Variants in IQUB observed in about 807,000 individuals in gnomAD.
The protein encoded by IQUB is IQ motif and ubiquitin domain containing.
In IQUB, 86 loss-of-function variants were observed where a neutral mutation model predicts 86.4. The observed-to-expected ratio is 1.00, with a 90% confidence interval of 0.84 to 1.19. IQUB has a LOEUF of 1.19. IQUB is among the 50% of genes most tolerant of loss of function. IQUB has a pLI of 0.00. For synonymous variants in IQUB, 289 were observed against 304.5 expected (o/e 0.95, Z 0.53); for missense variants, 946 against 916.9 (o/e 1.03, Z -0.41).
Position 123,461,398 on chromosome 7 carries a change from CT to C in IQUB, c.1965del (p.Ala656LeufsTer12). 1 of 1,611,262 alleles carries C rather than the reference CT, an allele frequency of 6.2e-7. No individual in the cohort carries two copies. Among genetic ancestry groups the C allele is most frequent in the Non-Finnish European group, 8.5e-7 (1 of 1,178,118 alleles). On this transcript the variant is annotated frameshift_variant, in exon 11 of 13. Coordinates refer to ENST00000324698, the MANE Select transcript of IQUB (RefSeq NM_178827.5). LOFTEE classifies it high-confidence loss of function. ...ATTTTAGAATCATCTTCATAATCAG[CT>C]TCTGTATAGTAGAGCTGTTGAAGTA... ...KCLLQQLYYT[E>X]ADYEDDSKIA...
At chr7:123,496,586 C>T in intron 7 of IQUB, 110 bp downstream of exon 7, 3 of 617,282 alleles carry the variant, frequency 4.9e-6, no homozygotes, top group Non-Finnish European at 7.9e-6. Flanking sequence ...TGCAAATTTC[C>T]AAGACATCTC....
At chr7:123,488,490 AG>A (rs1795316736) in intron 7 of IQUB, among the ~76,000 whole-genome samples, 1 of 152,254 alleles carries the variant, frequency 6.6e-6, no homozygotes, top group South Asian at 2.1e-4. Flanking sequence ...ATTTGCTAGC[AG>A]CTGCTTCCAA....
At chr7:123,506,869 A>G (rs1796202117) in intron 3 of IQUB, among the ~76,000 whole-genome samples, 1 of 152,164 alleles carries the variant, frequency 6.6e-6, no homozygotes, top group African/African-American at 2.4e-5. Context: ...GAAAAAGTAT[A>G]CATTGCTTAA....
intron 10 of IQUB, among the ~76,000 whole-genome samples, chr7:123,462,145 T>A: frequency 6.6e-6 from 1 of 151,966 alleles, no homozygotes; most frequent in East Asian, 1.9e-4. Context: ...AATTATTTAC[T>A]ATGGGCTAAA....
intron 8 of IQUB, among the ~76,000 whole-genome samples, chr7:123,477,225 T>C (rs1794784135): frequency 6.6e-6 from 1 of 152,178 alleles, no homozygotes; most frequent in South Asian, 2.1e-4. Flanking sequence ...AGCATGGTAC[T>C]GGTATCAAAA....
At chr7:123,480,004 T>TA (rs767694283) in intron 7 of IQUB, 34 bp from the exon 8 acceptor site, 2 of 1,524,278 alleles carry the variant, frequency 1.3e-6, no homozygotes, top group South Asian at 2.4e-5. Flanking sequence ...CTTGAGTTTT[T>TA]AAAAATCCCA....
chr7:123,469,350 C>G lies in IQUB; in HGVS notation c.1445G>C (p.Gly482Ala), dbSNP rs1402911724. Reference protein sequence around the residue: ...SAPKIWRTPNGKTIEMDTQFT... With the variant: ...SAPKIWRTPNAKTIEMDTQFT... ...CTGCGTATCCATCTCAATTGTTTTGCCATTAGGGGTTCTCCATATTTTTGG... is the reference window on the plus strand; with the variant it reads ...CTGCGTATCCATCTCAATTGTTTTGGCATTAGGGGTTCTCCATATTTTTGG... The change falls in exon 9 of 13, where the codon GGC (glycine) becomes GCC (alanine). Residue 482 changes from glycine (G) to alanine (A), a missense_variant. Gly to Ala is a moderately conservative substitution (Grantham distance 60, BLOSUM62 0). Transcript: ENST00000324698. 1.2e-6 allele frequency: 2 copies of G among 1,601,380 alleles called. No homozygotes were observed. Among genetic ancestry groups the G allele is most frequent in the Non-Finnish European group, 1.7e-6 (2 of 1,174,506 alleles).
At chr7:123,514,679 T>C (rs1245442704) in intron 1 of IQUB, among the ~76,000 whole-genome samples, 1 of 152,190 alleles carries the variant, frequency 6.6e-6, no homozygotes, top group Non-Finnish European at 1.5e-5. Flanking sequence ...GTCTGGGCTT[T>C]TATTGAGGCC....
intron 10 of IQUB, among the ~76,000 whole-genome samples, chr7:123,462,362 C>CTCTT (rs1380517759): frequency 6.6e-6 from 1 of 151,702 alleles, no homozygotes; most frequent in African/African-American, 2.4e-5. Flanking sequence ...TAAATTTTTT[C>CTCTT]TCTTACTCAA....
chr7:123,460,289 TATC>T (rs1793921147), intron 11 of IQUB, among the ~76,000 whole-genome samples: 1 of 151,966 alleles, frequency 6.6e-6, no homozygotes, highest in African/African-American at 2.4e-5. Flanking sequence ...TATTGAGAAT[TATC>T]ATGCATGCCT....
chr7:123,462,389 T>G (rs563393641), intron 10 of IQUB, among the ~76,000 whole-genome samples: 1 of 151,984 alleles, frequency 6.6e-6, no homozygotes, highest in Non-Finnish European at 1.5e-5. Context: ...TTTAAAATAT[T>G]TACCATTATA....
At chr7:123,481,181 G>A (rs1006491512) in intron 7 of IQUB, among the ~76,000 whole-genome samples, 2 of 152,020 alleles carry the variant, frequency 1.3e-5, no homozygotes, top group African/African-American at 2.4e-5. Flanking sequence ...GAGGCAACAC[G>A]GCGTCAGTTT....
Position 123,452,546 on chromosome 7 carries a change from A to C in IQUB, c.*197T>G. The stretch of plus-strand genomic sequence containing the variant: ...AATTTCAGTAACAAAATTGCATTTC[A>C]ATTTAGCACCAACTTCCTAACAAAG... On this transcript the variant is annotated 3_prime_UTR_variant, in exon 13 of 13. Coordinates refer to ENST00000324698, the MANE Select transcript of IQUB (RefSeq NM_178827.5). The C allele has an allele frequency of 2.6e-6, 1 of 379,496 alleles. No individual in the cohort carries two copies. Among genetic ancestry groups the C allele is most frequent in the Non-Finnish European group, 4.7e-6 (1 of 214,536 alleles). The allele number at this position is 379,496 out of a possible 1,614,324, so 23.5% of individuals were successfully genotyped here.
chr7:123,465,126 A>G lies in IQUB; in HGVS notation c.1582-117T>C, dbSNP rs1404856253. On this transcript the variant is annotated intron_variant, in intron 9 of 12. Transcript: ENST00000324698. ...CCTAAAGAAATGAAACATTGTCAAT[A>G]GGAGTATAAATTGGCAAAACTAATA... 6 of 673,802 alleles carry G rather than the reference A, an allele frequency of 8.9e-6. No individual in the cohort carries two copies. The Admixed American group carries it at 1.9e-4, about 21-fold the overall frequency. The allele number at this position is 673,802 out of a possible 1,614,324, so 41.7% of individuals were successfully genotyped here. A position where few individuals can be genotyped will look rare whatever the true frequency, so the allele number is the denominator to read the frequency against.
chr7:123,465,301 A>C (rs937142633), intron 9 of IQUB, among the ~76,000 whole-genome samples: 1 of 152,014 alleles, frequency 6.6e-6, no homozygotes, highest in Non-Finnish European at 1.5e-5. Flanking sequence ...AAAATTCAAG[A>C]ATAAGCAACA....
chr7:123,491,937 G>T (rs1051428973), intron 7 of IQUB, among the ~76,000 whole-genome samples: 1 of 152,194 alleles, frequency 6.6e-6, no homozygotes, highest in Admixed American at 6.5e-5. Flanking sequence ...AATCAAGTCT[G>T]ACAATACATA....
rs748944275 is a variant in IQUB at position 123,503,008 on chromosome 7, G to A, written c.803C>T (p.Ala268Val). The A allele has an allele frequency of 6.2e-7, 1 of 1,612,900 alleles. No individual in the cohort carries two copies. Among genetic ancestry groups the A allele is most frequent in the Non-Finnish European group, 8.5e-7 (1 of 1,179,316 alleles). ...CCTTTTAGGTACAGTTTGTGTTCCAGCATTGTGATACTCTACTCCTGTTAC... is the reference window on the plus strand; with the variant it reads ...CCTTTTAGGTACAGTTTGTGTTCCAACATTGTGATACTCTACTCCTGTTAC... The part of the protein sequence containing the change: ...HKVTGVEYHN[A>V]GTQTVPKRIP... Residue 268 changes from alanine to valine, a missense_variant, in exon 5 of 13, where the codon GCT (alanine) becomes GTT (valine). Ala to Val is a moderately conservative substitution (Grantham distance 64). Transcript: ENST00000324698.
intron 7 of IQUB, among the ~76,000 whole-genome samples, chr7:123,487,477 A>T (rs1006801941): frequency 6.6e-6 from 1 of 152,126 alleles, no homozygotes; most frequent in African/African-American, 2.4e-5. Context: ...TTACAGCTAA[A>T]CCCACCATTA....
Position 123,512,239 on chromosome 7 carries a change from T to C in IQUB, c.102A>G (p.Glu34=). The change falls in exon 2 of 13, where the codon GAA becomes GAG. Residue 34 remains glutamate (E), a synonymous_variant. Transcript: ENST00000324698. ...CAGTTTGATCTGACTCTTGAGGCTCTTCTGAGGGAACTGGAATAGTGACAG... is the reference window on the plus strand; with the variant it reads ...CAGTTTGATCTGACTCTTGAGGCTCCTCTGAGGGAACTGGAATAGTGACAG... ...FDTVTIPVPS[E]EPQESDQTEE... is the part of the protein sequence containing the mutation. 1 of 1,613,996 alleles carries C rather than the reference T, an allele frequency of 6.2e-7. No individual in the cohort carries two copies. Among genetic ancestry groups the C allele is most frequent in the Non-Finnish European group, 8.5e-7 (1 of 1,179,878 alleles).
Sources: allele counts gnomAD v4.1 joint callset (sites outside exome capture counted in the v4.1 genomes callset), GRCh38; gene constraint gnomAD v4.1.1; transcripts MANE v1.5; gene names NCBI Gene and HGNC (gene_info 2026-07-23, HGNC 2026-07-21).